Variants in RYR1 observed in about 807,000 individuals in gnomAD.
RYR1 encodes ryanodine receptor 1.
In RYR1, 342 loss-of-function variants were observed where a neutral mutation model predicts 583.5. That is an observed-to-expected ratio of 0.59 (90% confidence interval 0.54 to 0.64). The LOEUF (loss-of-function observed/expected upper bound fraction) is 0.64, where lower values mean the gene tolerates loss of function less well. Among genes scored for constraint, RYR1 ranks in the 30% least tolerant of loss-of-function variants. RYR1 has a pLI of 0.00. For missense variants in RYR1, 6,032 were observed against 6,917.2 expected (o/e 0.87, Z 4.54); for synonymous variants, 2,791 against 2,822.5 (o/e 0.99, Z 0.35).
chr19:38,462,370 C>G (rs1568456776), intron 20 of RYR1, among the ~76,000 whole-genome samples: 1 of 152,206 alleles, frequency 6.6e-6, no homozygotes, highest in Non-Finnish European at 1.5e-5. Context: ...GTGATATCAT[C>G]TGCGGGGGTG....
chr19:38,439,697 G>T (rs530279834), intron 1 of RYR1, among the ~76,000 whole-genome samples: 1 of 150,254 alleles, frequency 6.7e-6, no homozygotes, highest in East Asian at 2.0e-4. Context: ...TAGTAGAGAT[G>T]GGGTTTCACC....
rs145960159 is a variant in RYR1 at position 38,447,189 on chromosome 19, T to A, written c.800+421T>A. Among the ~76,000 whole-genome samples, 98 of 151,704 alleles carry A rather than the reference T, an allele frequency of 6.5e-4. 2 individuals carry two copies. The East Asian group carries it at 0.017, about 26-fold the overall frequency. ...GCAGTGAGCTGAGATCCTGCCACAG[T>A]ACTCCAGTCTGGGTGACAGAGCAAG... On this transcript the variant is annotated intron_variant, in intron 9 of 105. Coordinates refer to ENST00000359596, the MANE Select transcript of RYR1 (RefSeq NM_000540.3).
intron 64 of RYR1, among the ~76,000 whole-genome samples, chr19:38,515,716 TG>T (rs1295336718): frequency 7.2e-5 from 11 of 152,052 alleles, no homozygotes; most frequent in Non-Finnish European, 7.4e-5. Context: ...AAGGCTGAGA[TG>T]GGGGGATCGC....
intron 60 of RYR1, 97 bp downstream of exon 60, chr19:38,510,878 C>A: frequency 1.3e-6 from 2 of 1,554,450 alleles, no homozygotes. Context: ...GTGTTGGGTA[C>A]TGACCGTCTC....
intron 58 of RYR1, among the ~76,000 whole-genome samples, chr19:38,509,450 A>ATTTTTTTTTTTT (rs534650223): frequency 2.9e-5 from 3 of 104,356 alleles, no homozygotes; most frequent in Admixed American, 1.0e-4. Context: ...TATTATTATT[A>ATTTTTTTTTTTT]TTTTTTTTTT....
chr19:38,565,464 C>T lies in RYR1; in HGVS notation c.13130C>T (p.Thr4377Ile). 6.7e-7 allele frequency: 1 copy of T among 1,502,308 alleles called. No individual in the cohort carries two copies. The highest frequency in any genetic ancestry group is 8.8e-7 in the Non-Finnish European group (1 of 1,133,176). 93.1% of individuals were successfully genotyped at this position (1,502,308 alleles called of 1,614,324 possible). The change falls in exon 91 of 106, where the codon ACC becomes ATC. Residue 4377 changes from threonine to isoleucine, a missense_variant. By Grantham distance (89) the Thr-to-Ile change is moderately conservative. Around this residue, in one of 11 missense-constraint regions of RYR1, gnomAD observed 753 missense variants for 759.6 expected, o/e 0.99. Transcript: ENST00000359596. This position sits in a 1 kb window ranked among gnomAD's most constrained non-coding sequence, Gnocchi z 4.7. ...GAGGGCGCCAAGAAGGTGACGGTGA[C>T]CGAGCTCCTGGCAGGCATGCCCGAC... The part of the protein sequence containing the change: ...LVEGAKKVTV[T>I]ELLAGMPDPT...
Position 38,517,709 on chromosome 19 carries a change from G to A in RYR1, c.10018+18G>A. On this transcript the variant is annotated intron_variant, in intron 66 of 105. Transcript: ENST00000359596. Reference sequence around the variant, plus strand: ...GCTGGCTGGTGGGTCGGGGGGCACTGGGCCTCTGAGGGGTGGGTCAGCAGC... The same window carrying A: ...GCTGGCTGGTGGGTCGGGGGGCACTAGGCCTCTGAGGGGTGGGTCAGCAGC... 2 of 1,610,732 alleles carry A rather than the reference G, an allele frequency of 1.2e-6. No individual in the cohort carries two copies. The highest frequency in any genetic ancestry group is 1.7e-6 in the Non-Finnish European group (2 of 1,176,918).
chr19:38,564,961 G>T lies in RYR1; in HGVS notation c.12627G>T (p.Val4209=). ...TNRAQWEMPQ[V]KESKRQFIFD... is the part of the protein sequence containing the mutation. ...CTGTCTGCCGCCCCTCGCTTCAGGT[G>T]AAGGAGTCCAAGCGCCAGTTCATCT... The change falls in exon 91 of 106, where the codon GTG becomes GTT. Residue 4209 remains valine, a splice_region_variant and synonymous_variant. Transcript: ENST00000359596. 6.3e-7 allele frequency: 1 copy of T among 1,581,714 alleles called. No homozygotes were observed. The highest frequency in any genetic ancestry group is 1.2e-5 in the South Asian group (1 of 86,260).
chr19:38,493,579 G>A (rs1969659066), intron 38 of RYR1, among the ~76,000 whole-genome samples: 1 of 151,116 alleles, frequency 6.6e-6, no homozygotes, highest in African/African-American at 2.4e-5. Context: ...GAGTGCAGTG[G>A]CGCGATCTTG....
rs1412413107 is a variant in RYR1 at position 38,464,661 on chromosome 19, C to G, written c.2809C>G (p.His937Asp). The G allele has an allele frequency of 1.9e-6, 3 of 1,591,692 alleles. No homozygotes were observed. The highest frequency in any genetic ancestry group is 1.7e-6 in the Non-Finnish European group (2 of 1,169,344). Reference sequence around the variant, plus strand: ...CAGGACTCTGCTGGCTCTGGGCTGCCACGTGGGCATGGCGGATGAGAAGGC... The same window carrying G: ...CAGGACTCTGCTGGCTCTGGGCTGCGACGTGGGCATGGCGGATGAGAAGGC... ...TLKTLLALGCHVGMADEKAED... is the reference protein window; with the variant it reads ...TLKTLLALGCDVGMADEKAED... Residue 937 changes from histidine to aspartate, a missense_variant, in exon 23 of 106, where the codon CAC becomes GAC. His to Asp is a moderately conservative substitution (Grantham distance 81). This residue lies in a region of RYR1 where 2,627 missense variants were observed against 2,961.3 expected (regional missense o/e 0.89). Coordinates refer to ENST00000359596, the MANE Select transcript of RYR1 (RefSeq NM_000540.3).
rs1309470326 is a variant in RYR1, at chr19:38,455,515, C to T, written c.1641C>T (p.Val547=). The stretch of plus-strand genomic sequence containing the variant: ...TCTCCACAAACTTGGACTGGCTGGT[C>T]AGCAAGCTGGATCGGCTGGAGGCCT... ...ALFSTNLDWL[V]SKLDRLEASS... is the part of the protein sequence containing the mutation. The change falls in exon 15 of 106, where the codon GTC becomes GTT. Residue 547 remains valine (V), a synonymous_variant. Transcript: ENST00000359596. 1 of 1,614,116 alleles carries T rather than the reference C, an allele frequency of 6.2e-7. No homozygotes were observed. The highest frequency in any genetic ancestry group is 8.5e-7 in the Non-Finnish European group (1 of 1,180,038).
In RYR1 at chr19:38,561,254, G is replaced by A. The variant is rs1184920073; in HGVS notation, c.12424G>A (p.Val4142Met). Residue 4142 changes from valine (V) to methionine (M), a missense_variant, in exon 90 of 106, where the codon GTG becomes ATG. By Grantham distance (21) the Val-to-Met change is conservative. Transcript: ENST00000359596. This position sits in a 1 kb window ranked among gnomAD's most constrained non-coding sequence, Gnocchi z 4.8. ...GCCAGCACGCGACATCGGCTTCAAC[G>A]TGGCGGTGCTGCTGACCAACCTGTC... Reference protein sequence around the residue: ...QEPARDIGFNVAVLLTNLSEH... With the variant: ...QEPARDIGFNMAVLLTNLSEH... 6.2e-7 allele frequency: 1 copy of A among 1,614,054 alleles called. No individual in the cohort carries two copies. The highest frequency in any genetic ancestry group is 1.1e-5 in the South Asian group (1 of 91,086).
chr19:38,497,725 G>C (rs1969910876), intron 42 of RYR1, among the ~76,000 whole-genome samples: 1 of 152,192 alleles, frequency 6.6e-6, no homozygotes, highest in Non-Finnish European at 1.5e-5. Flanking sequence ...TATAATCCCA[G>C]CACTTTGGGA....
chr19:38,531,012 T>G (rs1474801003), intron 76 of RYR1, among the ~76,000 whole-genome samples: 32 of 150,766 alleles, frequency 2.1e-4, no homozygotes, highest in Admixed American at 8.6e-4. Context: ...TTTTGTATTT[T>G]TAGTAGAGAC....
chr19:38,499,135 C>T lies in RYR1; in HGVS notation c.6919C>T (p.Leu2307Phe). 6 of 1,614,178 alleles carry T rather than the reference C, an allele frequency of 3.7e-6. No individual in the cohort carries two copies. The highest frequency in any genetic ancestry group is 5.1e-6 in the Non-Finnish European group (6 of 1,180,026). Reference protein sequence around the residue: ...KVVSYLAGCGLQSCPMLVAKG... With the variant: ...KVVSYLAGCGFQSCPMLVAKG... ...TGTGTCCTACCTGGCAGGCTGTGGCCTCCAGAGCTGCCCCATGCTTGTGGC... is the reference window on the plus strand; with the variant it reads ...TGTGTCCTACCTGGCAGGCTGTGGCTTCCAGAGCTGCCCCATGCTTGTGGC... The change falls in exon 43 of 106, where the codon CTC becomes TTC. Residue 2307 changes from leucine (L) to phenylalanine (F), a missense_variant. Physicochemically the swap from Leu to Phe is conservative, Grantham distance 22 (BLOSUM62 0). Transcript: ENST00000359596. The surrounding 1 kb of genome is among the most constrained non-coding windows in gnomAD (Gnocchi z 7.3).
chr19:38,586,285 G>A (rs1384737972), intron 104 of RYR1, 94 bp downstream of exon 104: 6 of 1,175,102 alleles, frequency 5.1e-6, no homozygotes, highest in Middle Eastern at 2.6e-4. Context: ...AGGAAAGGGG[G>A]TGTAGTGTCC....
intron 30 of RYR1, 22 bp downstream of exon 30, chr19:38,477,892 G>A: frequency 6.5e-7 from 1 of 1,540,882 alleles, no homozygotes; most frequent in Non-Finnish European, 8.9e-7. Flanking sequence ...GGGGGGAGGT[G>A]GGAGGTGCAG....
In RYR1 at chr19:38,486,192, C is replaced by T. The variant is rs1969286862; in HGVS notation, c.5537C>T (p.Ser1846Phe). Residue 1846 changes from serine (S) to phenylalanine (F), a missense_variant, in exon 34 of 106, where the codon TCC becomes TTC. Coordinates refer to ENST00000359596, the MANE Select transcript of RYR1 (RefSeq NM_000540.3). ...TTTGTGCCTGTGCTCAAGCTCGTGT[C>T]CACCCTGCTGGTAATGGCTTCCTCC... ...FQFVPVLKLVSTLLVMGIFGD... is the reference protein window; with the variant it reads ...FQFVPVLKLVFTLLVMGIFGD... 5.6e-6 allele frequency: 9 copies of T among 1,612,798 alleles called. No homozygotes were observed. Among genetic ancestry groups the T allele is most frequent in the South Asian group, 1.1e-5 (1 of 91,092 alleles).
chr19:38,504,474 C>A, intron 50 of RYR1, 114 bp downstream of exon 50: 3 of 1,367,434 alleles, frequency 2.2e-6, no homozygotes, highest in Non-Finnish European at 3.0e-6. Context: ...GAAGGTTCTG[C>A]AAGTTTGGAT....
Sources: allele counts gnomAD v4.1 joint callset (sites outside exome capture counted in the v4.1 genomes callset), GRCh38; gene constraint gnomAD v4.1.1; regional missense constraint gnomAD v4.1.1; non-coding constraint Gnocchi (gnomAD v3.1); transcripts MANE v1.5; gene names NCBI Gene and HGNC (gene_info 2026-07-23, HGNC 2026-07-21).